TULP4: variants seen among roughly 807,000 people sequenced by gnomAD.
TULP4 encodes the protein TUB like protein 4, also known as tubby-related protein 4.
A neutral mutation model predicts 129.0 loss-of-function variants in TULP4; 16 were observed. The ratio of observed to expected loss-of-function variants is 0.12; its 90% CI spans 0.08 to 0.19. The LOEUF is 0.19. TULP4 is among the 10% of genes least tolerant of loss of function. TULP4 has a pLI of 1.00. For synonymous variants in TULP4, 998 were observed against 854.0 expected, an observed-to-expected ratio of 1.17 and a Z score of -2.94; for missense variants, 1,842 against 2,059.1, an observed-to-expected ratio of 0.89 and a Z score of 2.04.
chr6:158,242,135 G>C (rs1303248516), intron 1 of TULP4: 2 of 917,232 alleles, frequency 2.2e-6, no homozygotes, highest in Admixed American at 3.4e-5. Context: ...TAGGCCATCT[G>C]ACCATAAGTG....
intron 1 of TULP4, among the ~76,000 whole-genome samples, chr6:158,323,359 T>G (rs906802066): frequency 3.9e-5 from 6 of 152,240 alleles, no homozygotes; most frequent in African/African-American, 9.6e-5. Flanking sequence ...TGACTGTTTC[T>G]GTGCTTAATG....
In TULP4 at chr6:158,498,889, T is replaced by G. The variant is rs994667666; in HGVS notation, c.2014+77T>G. The G allele has an allele frequency of 4.5e-6, 7 of 1,558,026 alleles. No homozygotes were observed. In the African/African-American group the frequency reaches 9.5e-5, roughly 21 times the overall value. On this transcript the variant is annotated intron_variant, in intron 12 of 13. Transcript: ENST00000367097. ...ATGCAAGGGGGACAGAGCGGCAAGT[T>G]GTTGAGGATTTCAGTCTGCTACCTG... is the stretch of plus-strand genomic sequence containing the variant.
upstream of TULP4, among the ~76,000 whole-genome samples, chr6:158,309,088 C>T (rs1178682780): frequency 2.7e-4 from 27 of 101,634 alleles, no homozygotes; most frequent in African/African-American, 9.4e-4. Context: ...CTCCTCACTT[C>T]CCAGACGGTG....
intron 13 of TULP4, among the ~76,000 whole-genome samples, chr6:158,504,701 G>A (rs190737078): frequency 6.6e-6 from 1 of 151,558 alleles, no homozygotes; most frequent in Admixed American, 6.6e-5. Flanking sequence ...GTGTTGTCTA[G>A]ATTGGTCTCA....
intron 1 of TULP4, among the ~76,000 whole-genome samples, chr6:158,296,160 T>C (rs1779027426): frequency 6.6e-6 from 1 of 152,140 alleles, no homozygotes; most frequent in African/African-American, 2.4e-5. Context: ...CCTTTCCTTT[T>C]CTTATTTTCT....
At chr6:158,444,298 TC>T (rs1778981505) in intron 3 of TULP4, among the ~76,000 whole-genome samples, 1 of 146,970 alleles carries the variant, frequency 6.8e-6, no homozygotes, top group Non-Finnish European at 1.5e-5. Context: ...CAAAAAGAGT[TC>T]CTTCCAAAGA....
At chr6:158,247,833 G>A (rs1778055438) in intron 1 of TULP4, among the ~76,000 whole-genome samples, 1 of 152,180 alleles carries the variant, frequency 6.6e-6, no homozygotes, top group Admixed American at 6.5e-5. Flanking sequence ...GTTAGTGCCG[G>A]GGCAGTTTTA....
intron 1 of TULP4, among the ~76,000 whole-genome samples, chr6:158,353,598 T>C (rs1047632544): frequency 6.6e-6 from 1 of 152,266 alleles, no homozygotes; most frequent in African/African-American, 2.4e-5. Context: ...AAATACCTTT[T>C]CTATTTTCAG....
chr6:158,240,182 C>G lies in TULP4; in HGVS notation n.68+7879C>G, dbSNP rs1467629938. On this transcript the variant is annotated intron_variant and non_coding_transcript_variant, in intron 1 of 1. Coordinates refer to the TULP4 transcript ENST00000620026. Reference sequence around the variant, plus strand: ...CCGGGCGGAGGGCTGTCCCCCCCACCTCCCTCCCGGACAGGGCGGCTGGCC... The same window carrying G: ...CCGGGCGGAGGGCTGTCCCCCCCACGTCCCTCCCGGACAGGGCGGCTGGCC... Among the ~76,000 whole-genome samples the G allele has an allele frequency of 4.5e-5, 3 of 66,242 alleles. 1 individual carries two copies. Among genetic ancestry groups the G allele is most frequent in the Non-Finnish European group, 6.9e-5 (2 of 29,106 alleles). 43.5% of individuals were successfully genotyped at this position (66,242 alleles called of 152,430 possible).
intron 2 of TULP4, among the ~76,000 whole-genome samples, chr6:158,418,900 G>A (rs1778274770): frequency 6.6e-6 from 1 of 152,186 alleles, no homozygotes; most frequent in East Asian, 1.9e-4. Flanking sequence ...ATGGATTAAG[G>A]AGATTTCCCA....
rs566250978 is a variant in TULP4 at position 158,234,442 on chromosome 6, A to G, written n.68+2139A>G. Among the ~76,000 whole-genome samples, 48 of 152,348 alleles carry G rather than the reference A, an allele frequency of 3.2e-4. 1 individual carries two copies. Among genetic ancestry groups the G allele is most frequent in the Admixed American group, 1.2e-3 (18 of 15,298 alleles). The stretch of plus-strand genomic sequence containing the variant: ...CCCAGGTTTTCTTTTTGATTTTGCT[A>G]TAGATTCCAGTATCTGAATTCAGGA... On this transcript the variant is annotated intron_variant and non_coding_transcript_variant, in intron 1 of 1. Coordinates refer to the TULP4 transcript ENST00000620026.
At chr6:158,288,645 C>T (rs1377510981) in intron 1 of TULP4, among the ~76,000 whole-genome samples, 1 of 152,076 alleles carries the variant, frequency 6.6e-6, no homozygotes, top group African/African-American at 2.4e-5. Context: ...GGACTACAGG[C>T]ACCCGCCACC....
At chr6:158,375,136 G>A (rs1381900882) in intron 1 of TULP4, among the ~76,000 whole-genome samples, 2 of 152,076 alleles carry the variant, frequency 1.3e-5, no homozygotes, top group South Asian at 2.1e-4. Context: ...CCAGCTACTC[G>A]GGAGGCTGAG....
At chr6:158,436,090 T>C (rs945432724) in intron 3 of TULP4, among the ~76,000 whole-genome samples, 1 of 152,142 alleles carries the variant, frequency 6.6e-6, no homozygotes, top group African/African-American at 2.4e-5. Context: ...CTAATTTTCG[T>C]ATTTTTAGTA....
chr6:158,276,255 C>A (rs1441152510), intron 1 of TULP4, among the ~76,000 whole-genome samples: 1 of 151,948 alleles, frequency 6.6e-6, no homozygotes, highest in Non-Finnish European at 1.5e-5. Flanking sequence ...CAGGCGTGAG[C>A]CACTGCGCCC....
At chr6:158,481,469 T>C (rs1222545452) in intron 8 of TULP4, 180 bp downstream of exon 8, 4 of 647,590 alleles carry the variant, frequency 6.2e-6, no homozygotes, top group Admixed American at 5.2e-5. Flanking sequence ...GTTCTCTAAA[T>C]GTACTTTTTG....
chr6:158,268,947 A>G (rs896776057), intron 1 of TULP4, among the ~76,000 whole-genome samples: 1 of 152,164 alleles, frequency 6.6e-6, no homozygotes, highest in African/African-American at 2.4e-5. Context: ...CTTTCTGCAT[A>G]TTGCCAAATT....
rs1302360611 is a variant in TULP4, at chr6:158,461,202, G to A, written c.860-361G>A. Among the ~76,000 whole-genome samples, 7 of 152,190 alleles carry A rather than the reference G, an allele frequency of 4.6e-5. No homozygotes were observed. In the East Asian group the frequency reaches 5.8e-4, roughly 13 times the overall value. On this transcript the variant is annotated intron_variant, in intron 5 of 13. Coordinates refer to ENST00000367097, the MANE Select transcript of TULP4 (RefSeq NM_020245.5). ...CAAGGCGGGCAGATCACCTGAGGTC[G>A]GGAGTTCGAGACCAGCCTGACCAAC...
At chr6:158,254,095 G>A (rs1006389442) in intron 1 of TULP4, among the ~76,000 whole-genome samples, 21 of 152,118 alleles carry the variant, frequency 1.4e-4, no homozygotes, top group Middle Eastern at 3.2e-3. Context: ...TGGAGGAGGG[G>A]TCAAGGAAAG....
Sources: allele counts gnomAD v4.1 joint callset (sites outside exome capture counted in the v4.1 genomes callset), GRCh38; gene constraint gnomAD v4.1.1; transcripts MANE v1.5; gene names NCBI Gene and HGNC (gene_info 2026-07-23, HGNC 2026-07-21).